DMXL1: variants seen among roughly 807,000 people sequenced by gnomAD.
DMXL1 encodes dmX-like protein 1.
In DMXL1, 99 loss-of-function variants were observed where a neutral mutation model predicts 319.2. The observed-to-expected ratio is 0.31, with a 90% CI of 0.26 to 0.37. The LOEUF (loss-of-function observed/expected upper bound fraction) is 0.37, where lower values mean the gene tolerates loss of function less well. DMXL1 is among the 10% of genes least tolerant of loss of function. The pLI is 1.00. For synonymous variants in DMXL1, 1,385 were observed against 1,235.2 expected, an observed-to-expected ratio of 1.12 and a Z score of -2.54; for missense variants, 3,745 against 3,595.6, an observed-to-expected ratio of 1.04 and a Z score of -1.06.
chr5:119,104,805 A>G (rs988487621), intron 3 of DMXL1, among the ~76,000 whole-genome samples: 2 of 152,212 alleles, frequency 1.3e-5, no homozygotes, highest in African/African-American at 2.4e-5. Flanking sequence ...ACATACTATT[A>G]TGATCTCAGA....
In DMXL1 at chr5:119,150,189, T is replaced by A. The variant is rs752240697; in HGVS notation, c.4362T>A (p.Thr1454=). 2 of 1,613,832 alleles carry A rather than the reference T, an allele frequency of 1.2e-6. No individual in the cohort carries two copies. The highest frequency in any genetic ancestry group is 3.3e-5 in the Admixed American group (2 of 59,962). Residue 1454 remains threonine (T), a synonymous_variant, in exon 18 of 44, where the codon ACT becomes ACA. Coordinates refer to ENST00000539542, the MANE Select transcript of DMXL1 (RefSeq NM_001290321.3). ...TTTTTCAGACTCAACTTCTAATGACTGATACTCATATGTTAGAGACAGATG... is the reference window on the plus strand; with the variant it reads ...TTTTTCAGACTCAACTTCTAATGACAGATACTCATATGTTAGAGACAGATG... ...DELFQTQLLM[T]DTHMLETDEE...
intron 10 of DMXL1, among the ~76,000 whole-genome samples, chr5:119,131,473 A>C (rs975097404): frequency 6.6e-6 from 1 of 152,296 alleles, no homozygotes; most frequent in South Asian, 2.1e-4. Context: ...CTAGAGGATA[A>C]CTAATGTAGC....
At chr5:119,093,096 G>A (rs981857559) in intron 1 of DMXL1, among the ~76,000 whole-genome samples, 1 of 151,852 alleles carries the variant, frequency 6.6e-6, no homozygotes, top group African/African-American at 2.4e-5. Flanking sequence ...CCTTTGTTGA[G>A]CAAATCTGTC....
At chr5:119,137,119 C>T (rs1047987613) in intron 13 of DMXL1, among the ~76,000 whole-genome samples, 40 of 152,344 alleles carry the variant, frequency 2.6e-4, no homozygotes, top group African/African-American at 8.9e-4. Flanking sequence ...TTCCCAAGGC[C>T]GTGGGAACCC....
chr5:119,126,188 C>A (rs991477999), intron 9 of DMXL1, among the ~76,000 whole-genome samples: 1 of 152,150 alleles, frequency 6.6e-6, no homozygotes, highest in Non-Finnish European at 1.5e-5. Context: ...GAGGCTGAGG[C>A]AGGAGAATCG....
chr5:119,085,162 C>G (rs1299427605), intron 1 of DMXL1, among the ~76,000 whole-genome samples: 2 of 151,840 alleles, frequency 1.3e-5, no homozygotes, highest in East Asian at 3.9e-4. Context: ...AACCCCGTCT[C>G]TATTAAAAAT....
Position 119,246,894 on chromosome 5 carries a change from A to G in DMXL1, c.8923-101A>G, listed in dbSNP as rs577953480. 80 of 817,352 alleles carry G rather than the reference A, an allele frequency of 9.8e-5. 1 individual carries two copies. The African/African-American group carries it at 1.3e-3, about 13-fold the overall frequency. The allele number at this position is 817,352 out of a possible 1,614,324, so 50.6% of individuals were successfully genotyped here. Reference sequence around the variant, plus strand: ...GTGGTCTGCCTGCCTTGACCTCCCAAAGTGCTGGGATTACAGGCATGAGCC... The same window carrying G: ...GTGGTCTGCCTGCCTTGACCTCCCAGAGTGCTGGGATTACAGGCATGAGCC... On this transcript the variant is annotated intron_variant, in intron 43 of 43. Coordinates refer to ENST00000539542, the MANE Select transcript of DMXL1 (RefSeq NM_001290321.3).
intron 1 of DMXL1, among the ~76,000 whole-genome samples, chr5:119,077,754 AGTGTGTGTGTGTGTGTGT>A (rs59365686): frequency 8.0e-6 from 1 of 125,336 alleles, no homozygotes; most frequent in Non-Finnish European, 1.7e-5. Context: ...TTATTTTTTA[AGTGTGTGTGTGTGTGTGT>A]GTGTGTGTGT....
intron 28 of DMXL1, 90 bp downstream of exon 28, chr5:119,178,334 A>G: frequency 2.1e-6 from 3 of 1,423,540 alleles, no homozygotes; most frequent in African/African-American, 1.4e-5. Flanking sequence ...TTAGTTATAG[A>G]AAGTTCTGGT....
chr5:119,136,996 A>C (rs1188612871), intron 13 of DMXL1, among the ~76,000 whole-genome samples: 2 of 152,206 alleles, frequency 1.3e-5, no homozygotes, highest in African/African-American at 2.4e-5. Context: ...GACCCCAAAA[A>C]GGTAGATCCA....
chr5:119,158,716 C>CT (rs1321439798), intron 19 of DMXL1, among the ~76,000 whole-genome samples: 4 of 152,046 alleles, frequency 2.6e-5, no homozygotes, highest in East Asian at 1.9e-4. Context: ...TTATCAGATG[C>CT]TTTTTTTGCA....
chr5:119,170,367 T>G lies in DMXL1; in HGVS notation c.5576T>G (p.Phe1859Cys). The change falls in exon 24 of 44, where the codon TTT (phenylalanine) becomes TGT (cysteine). Residue 1859 changes from phenylalanine (F) to cysteine (C), a missense_variant. This residue lies in a region of DMXL1 where 1,382 missense variants were observed against 1,269.5 expected (regional missense o/e 1.09). Coordinates refer to ENST00000539542, the MANE Select transcript of DMXL1 (RefSeq NM_001290321.3). ...AATTTAAGTGAAAGACGTTTATTTT[T>G]TACCACTGCCAGTGCTCATTTAAAA... ...TINLSERRLF[F>C]TTASAHLKAG... 1 of 1,614,050 alleles carries G rather than the reference T, an allele frequency of 6.2e-7. No individual in the cohort carries two copies. The highest frequency in any genetic ancestry group is 1.1e-5 in the South Asian group (1 of 91,076).
Position 119,149,932 on chromosome 5 carries a change from C to T in DMXL1, c.4105C>T (p.Arg1369Cys), listed in dbSNP as rs986354834. 25 of 1,613,878 alleles carry T rather than the reference C, an allele frequency of 1.5e-5. No homozygotes were observed. Among genetic ancestry groups the T allele is most frequent in the East Asian group, 6.7e-5 (3 of 44,874 alleles). Residue 1369 changes from arginine (R) to cysteine (C), a missense_variant, in exon 18 of 44, where the codon CGC (arginine) becomes TGC (cysteine). Transcript: ENST00000539542. ...GAATGAAGCTGAATCTAATCATGAA[C>T]GCCGCCTTAGGTCTCTCACAATCAG... ...ALNEAESNHE[R>C]RLRSLTISAS...
rs764085932 is a variant in DMXL1 at position 119,134,161 on chromosome 5, T to C, written c.2237T>C (p.Ile746Thr). ...AATGTGGCATGGCTGCCCACTCTTA[T>C]ACCCAGTTATTGTCTGGGTAAGTAT... is the stretch of plus-strand genomic sequence containing the variant. ...FSNVAWLPTLIPSYCLGAYCN... is the reference protein window; with the variant it reads ...FSNVAWLPTLTPSYCLGAYCN... The change falls in exon 12 of 44, where the codon ATA becomes ACA. Residue 746 changes from isoleucine to threonine, a missense_variant. Coordinates refer to ENST00000539542, the MANE Select transcript of DMXL1 (RefSeq NM_001290321.3). The C allele has an allele frequency of 1.4e-5, 23 of 1,613,658 alleles. No individual in the cohort carries two copies. Among genetic ancestry groups the C allele is most frequent in the East Asian group, 4.5e-5 (2 of 44,890 alleles).
At position 119,203,302 on chromosome 5, in the gene DMXL1, G is replaced by T; in HGVS notation, c.7746-17G>T. On this transcript the variant is annotated splice_polypyrimidine_tract_variant and intron_variant, in intron 32 of 43. Transcript: ENST00000539542. The stretch of plus-strand genomic sequence containing the variant: ...ATTTCTGAAGTTTATCATTAAATTT[G>T]CTGTCTCTCTCTGTAGATCCAAACA... The T allele has an allele frequency of 6.8e-7, 1 of 1,476,654 alleles. No individual in the cohort carries two copies. Among genetic ancestry groups the T allele is most frequent in the African/African-American group, 1.4e-5 (1 of 70,344 alleles). 91.5% of individuals were successfully genotyped at this position (1,476,654 alleles called of 1,614,324 possible).
At chr5:119,153,047 G>T (rs547530300) in intron 19 of DMXL1, among the ~76,000 whole-genome samples, 2 of 150,888 alleles carry the variant, frequency 1.3e-5, no homozygotes, top group Non-Finnish European at 2.9e-5. Context: ...TGTGATTTCC[G>T]CACACTGCAA....
chr5:119,101,989 A>G lies in DMXL1; in HGVS notation c.268A>G (p.Lys90Glu). The G allele has an allele frequency of 6.2e-7, 1 of 1,601,434 alleles. No homozygotes were observed. The highest frequency in any genetic ancestry group is 8.5e-7 in the Non-Finnish European group (1 of 1,172,596). The stretch of plus-strand genomic sequence containing the variant: ...CATTTTTGAACCAGTTAACCTACCA[A>G]AACAAAAGAAAAATTTGGTCAGTAA... ...ISIFEPVNLP[K>E]QKKNLELYSQ... The change falls in exon 3 of 44, where the codon AAA (lysine) becomes GAA (glutamate). Residue 90 changes from lysine (K) to glutamate (E), a missense_variant. This residue lies in a region of DMXL1 where 2,096 missense variants were observed against 1,985.4 expected (regional missense o/e 1.06). Coordinates refer to ENST00000539542, the MANE Select transcript of DMXL1 (RefSeq NM_001290321.3).
At position 119,224,740 on chromosome 5, in the gene DMXL1, G is replaced by A. The variant is rs771131190; in HGVS notation, c.8309G>A (p.Arg2770Lys). 2.3e-6 allele frequency: 3 copies of A among 1,325,896 alleles called. No homozygotes were observed. The allele number at this position is 1,325,896 out of a possible 1,614,324, so 82.1% of individuals were successfully genotyped here. Residue 2770 changes from arginine to lysine, a missense_variant, in exon 38 of 44, where the codon AGA becomes AAA. Arg to Lys is a conservative substitution (Grantham distance 26). Transcript: ENST00000539542. The stretch of plus-strand genomic sequence containing the variant: ...AAGAAAGCCATTAATAATGTTAGAA[G>A]AATGACTTCTCATCCAACTCTTCCT... ...MIKKAINNVR[R>K]MTSHPTLPYY...
intron 28 of DMXL1, among the ~76,000 whole-genome samples, chr5:119,186,980 C>T (rs896339105): frequency 3.3e-5 from 5 of 151,638 alleles, no homozygotes; most frequent in African/African-American, 4.9e-5. Flanking sequence ...ATGTAAATGA[C>T]GAGTTAATGG....
Sources: allele counts gnomAD v4.1 joint callset (sites outside exome capture counted in the v4.1 genomes callset), GRCh38; gene constraint gnomAD v4.1.1; regional missense constraint gnomAD v4.1.1; transcripts MANE v1.5; gene names NCBI Gene and HGNC (gene_info 2026-07-23, HGNC 2026-07-21).